The following PHRF1 variants were observed in gnomAD, a reference collection of about 807,000 sequenced individuals.
PHRF1 encodes PHD and RING finger domain-containing protein 1.
In PHRF1, 53 loss-of-function variants were observed where a neutral mutation model predicts 128.9. The ratio of observed to expected loss-of-function variants is 0.41; its 90% CI spans 0.33 to 0.52. The LOEUF is 0.52. PHRF1 is among the 20% of genes least tolerant of loss of function. PHRF1 has a pLI of 0.21. For missense variants in PHRF1, 2,503 were observed against 2,284.5 expected (o/e 1.10, Z -1.95); for synonymous variants, 1,178 against 980.6 (o/e 1.20, Z -3.76).
chr11:582,814 G>A (rs936478716), intron 3 of PHRF1, among the ~76,000 whole-genome samples: 8 of 151,034 alleles, frequency 5.3e-5, no homozygotes, highest in Non-Finnish European at 1.0e-4. Flanking sequence ...GTGAGCCACC[G>A]CGCCCGGCCT....
In PHRF1 at chr11:608,711, C is replaced by T. The variant is rs1350388567; in HGVS notation, c.3255C>T (p.Ser1085=). The T allele has an allele frequency of 5.0e-6, 8 of 1,610,464 alleles. No homozygotes were observed. The highest frequency in any genetic ancestry group is 8.5e-7 in the Non-Finnish European group (1 of 1,179,204). The change falls in exon 14 of 18, where the codon AGC becomes AGT. Residue 1085 remains serine (S), a synonymous_variant. Coordinates refer to ENST00000264555, the MANE Select transcript of PHRF1 (RefSeq NM_001286581.2). ...REHRRGPWGH[S]RRTSRSRSGS... The stretch of plus-strand genomic sequence containing the variant: ...ACAGGCGGGGCCCCTGGGGCCACAG[C>T]CGGAGGACGTCCCGGTCGCGGTCGG...
intron 4 of PHRF1, among the ~76,000 whole-genome samples, chr11:589,189 A>C (rs1446306627): frequency 6.6e-6 from 1 of 152,146 alleles, no homozygotes; most frequent in Non-Finnish European, 1.5e-5. Flanking sequence ...CTGCTTAGCG[A>C]GATTATTGGA....
intron 3 of PHRF1, among the ~76,000 whole-genome samples, chr11:585,908 C>G (rs557718400): frequency 5.3e-5 from 8 of 152,158 alleles, no homozygotes; most frequent in Admixed American, 1.3e-4. Context: ...GTTGCCCAGG[C>G]TGGAGTGCAA....
At chr11:604,124 G>A (rs1855808918) in intron 10 of PHRF1, among the ~76,000 whole-genome samples, 2 of 152,224 alleles carry the variant, frequency 1.3e-5, no homozygotes, top group African/African-American at 2.4e-5. Flanking sequence ...CTATTTCCCA[G>A]TTCTCAGGTC....
At chr11:604,935 C>A (rs542128444) in intron 10 of PHRF1, among the ~76,000 whole-genome samples, 184 bp from the exon 11 acceptor site, 39 of 152,248 alleles carry the variant, frequency 2.6e-4, no homozygotes, top group African/African-American at 9.1e-4. Context: ...GCTTCACGGC[C>A]GATGTGTGCG....
chr11:608,404 G>A lies in PHRF1; in HGVS notation c.2948G>A (p.Arg983Lys), dbSNP rs1486290829. Residue 983 changes from arginine (R) to lysine (K), a missense_variant, in exon 14 of 18, where the codon AGA (arginine) becomes AAA (lysine). Arg to Lys is a conservative substitution (Grantham distance 26). Transcript: ENST00000264555. ...SPDVLQAATH[R>K]VVELRPPSRS... is the part of the protein sequence containing the mutation. ...GACGTGCTGCAGGCTGCCACCCACAGAGTCGTGGAGCTCAGGCCCCCTTCC... is the reference window on the plus strand; with the variant it reads ...GACGTGCTGCAGGCTGCCACCCACAAAGTCGTGGAGCTCAGGCCCCCTTCC... The A allele has an allele frequency of 6.2e-7, 1 of 1,611,456 alleles. No individual in the cohort carries two copies. Among genetic ancestry groups the A allele is most frequent in the Admixed American group, 1.7e-5 (1 of 59,846 alleles).
rs906902470 is a variant in PHRF1, at chr11:597,338, T to C, written c.719-57T>C. 1.2e-5 allele frequency: 19 copies of C among 1,562,148 alleles called. No homozygotes were observed. The highest frequency in any genetic ancestry group is 4.8e-5 in the South Asian group (4 of 82,652). On this transcript the variant is annotated intron_variant, in intron 7 of 17. Transcript: ENST00000264555. The surrounding 1 kb of genome is among the most constrained non-coding windows in gnomAD (Gnocchi z 6.5). ...TGGCCGGCAGCCACAGGGGGAGCCG[T>C]TGGGGGAGGCGTGTGGCCTGTGAGT... is the stretch of plus-strand genomic sequence containing the variant.
Position 611,065 on chromosome 11 carries a change from C to G in PHRF1, c.4789C>G (p.Arg1597Gly), listed in dbSNP as rs775957437. The change falls in exon 17 of 18, where the codon CGC (arginine) becomes GGC (glycine). Residue 1597 changes from arginine to glycine, a missense_variant. Coordinates refer to ENST00000264555, the MANE Select transcript of PHRF1 (RefSeq NM_001286581.2). ...VTKEEYKDIL[R>G]KAVQKICHSK... is the part of the protein sequence containing the mutation. Reference sequence around the variant, plus strand: ...CAAGGAGGAGTACAAGGACATCCTGCGCAAGGCCGTGCAGAAGGTGGGCTG... The same window carrying G: ...CAAGGAGGAGTACAAGGACATCCTGGGCAAGGCCGTGCAGAAGGTGGGCTG... 6.2e-7 allele frequency: 1 copy of G among 1,612,836 alleles called. No individual in the cohort carries two copies.
chr11:610,484 AG>A lies in PHRF1; in HGVS notation c.4417-13del. 1 of 1,598,502 alleles carries A rather than the reference AG, an allele frequency of 6.3e-7. No individual in the cohort carries two copies. On this transcript the variant is annotated splice_polypyrimidine_tract_variant and intron_variant, in intron 15 of 17. Transcript: ENST00000264555. ...CTAGCTGTAGGGCCCAGTGCTCAGC[AG>A]GGGTGTCCCTCCCAGGTTTACAGCC...
At chr11:578,901 A>G (rs1854044225) in intron 1 of PHRF1, among the ~76,000 whole-genome samples, 4 of 151,724 alleles carry the variant, frequency 2.6e-5, no homozygotes, top group Admixed American at 2.6e-4. Context: ...GCCCAGTGGC[A>G]TGTAGTGGCG....
Position 610,618 on chromosome 11 carries a change from T to C in PHRF1, c.4534T>C (p.Cys1512Arg). 1 of 1,606,162 alleles carries C rather than the reference T, an allele frequency of 6.2e-7. No homozygotes were observed. The highest frequency in any genetic ancestry group is 8.5e-7 in the Non-Finnish European group (1 of 1,179,796). The change falls in exon 16 of 18, where the codon TGT becomes CGT. Residue 1512 changes from cysteine to arginine, a missense_variant. By Grantham distance (180) the Cys-to-Arg change is radical. Coordinates refer to ENST00000264555, the MANE Select transcript of PHRF1 (RefSeq NM_001286581.2). ...TCAGGGGAGCCTGCCGCTAGTGGGC[T>C]GTGGGGCAGCACAGACCCTGGCCCC... ...ILQGSLPLVG[C>R]GAAQTLAPVP...
chr11:576,956 G>A (rs1853889742), intron 1 of PHRF1, among the ~76,000 whole-genome samples: 2 of 151,978 alleles, frequency 1.3e-5, no homozygotes, highest in African/African-American at 4.8e-5. Context: ...TCCTGGGCTT[G>A]CGAGGACGCG....
chr11:596,998 G>T lies in PHRF1; in HGVS notation c.696G>T (p.Ala232=), dbSNP rs764340138. 1.2e-6 allele frequency: 2 copies of T among 1,613,722 alleles called. No individual in the cohort carries two copies. The highest frequency in any genetic ancestry group is 1.7e-6 in the Non-Finnish European group (2 of 1,179,864). Residue 232 remains alanine, a synonymous_variant, in exon 7 of 18, where the codon GCG becomes GCT. Transcript: ENST00000264555. ...VDEWFCPECA[A]PGVVLAADAG... ...AGTGGTTCTGCCCGGAATGTGCTGCGCCTGGTGTTGTCCTTGCCGCTGGTA... is the reference window on the plus strand; with the variant it reads ...AGTGGTTCTGCCCGGAATGTGCTGCTCCTGGTGTTGTCCTTGCCGCTGGTA...
intron 2 of PHRF1, 99 bp from the exon 3 acceptor site, chr11:581,863 C>A: frequency 6.9e-7 from 1 of 1,445,238 alleles, no homozygotes. Flanking sequence ...AGCCGTTTGG[C>A]AGGTGCTCCT....
chr11:591,289 C>A, intron 4 of PHRF1, 95 bp from the exon 5 acceptor site: 2 of 1,100,942 alleles, frequency 1.8e-6, no homozygotes, highest in Non-Finnish European at 2.7e-6. Context: ...CGCATGGAGG[C>A]ATTTAGCAGA....
chr11:582,493 CTCA>C (rs1187267174), intron 3 of PHRF1, among the ~76,000 whole-genome samples: 3 of 151,752 alleles, frequency 2.0e-5, no homozygotes, highest in Non-Finnish European at 4.4e-5. Context: ...TCTTCCTGAC[CTCA>C]AGTGAGCCGC....
At chr11:605,368 C>T in intron 11 of PHRF1, 68 bp downstream of exon 11, 2 of 1,576,704 alleles carry the variant, frequency 1.3e-6, no homozygotes, top group Non-Finnish European at 1.7e-6. Context: ...GGCACGGGGC[C>T]CCGAGGTGCA....
intron 3 of PHRF1, among the ~76,000 whole-genome samples, chr11:585,954 C>A (rs1854529141): frequency 6.6e-6 from 1 of 152,124 alleles, no homozygotes; most frequent in African/African-American, 2.4e-5. Context: ...CTCTGCTTCC[C>A]AGGTTCAAGC....
chr11:588,424 G>T (rs1012150864), intron 4 of PHRF1, among the ~76,000 whole-genome samples: 7 of 151,774 alleles, frequency 4.6e-5, no homozygotes, highest in South Asian at 2.1e-4. Context: ...TTGTTGCCCA[G>T]GCTGGAGTGC....
Sources: allele counts gnomAD v4.1 joint callset (sites outside exome capture counted in the v4.1 genomes callset), GRCh38; gene constraint gnomAD v4.1.1; non-coding constraint Gnocchi (gnomAD v3.1); transcripts MANE v1.5; gene names NCBI Gene and HGNC (gene_info 2026-07-23, HGNC 2026-07-21).